Variants in USH2A observed in about 807,000 individuals in gnomAD.
USH2A encodes Usher syndrome 2A (autosomal recessive, mild).
In USH2A, 443 loss-of-function variants were observed where a neutral mutation model predicts 538.9. The ratio of observed to expected loss-of-function variants is 0.82; its 90% CI spans 0.76 to 0.89. USH2A has a LOEUF of 0.89. USH2A is among the 40% of genes least tolerant of loss of function. The pLI is 0.00. For missense variants in USH2A, 6,633 were observed against 6,324.8 expected, an observed-to-expected ratio of 1.05 and a Z score of -1.65; for synonymous variants, 2,413 against 2,273.5, an observed-to-expected ratio of 1.06 and a Z score of -1.75.
chr1:215,704,341 G>C (rs565525787), intron 61 of USH2A, among the ~76,000 whole-genome samples: 1 of 152,314 alleles, frequency 6.6e-6, no homozygotes, highest in South Asian at 2.1e-4. Context: ...ACCCATGGCT[G>C]TTCACTTAGT....
At chr1:216,115,395 T>C (rs2032982156) in intron 21 of USH2A, among the ~76,000 whole-genome samples, 1 of 152,134 alleles carries the variant, frequency 6.6e-6, no homozygotes, top group Non-Finnish European at 1.5e-5. Flanking sequence ...TTCTCCCTCT[T>C]CAGCTTCCCA....
intron 38 of USH2A, among the ~76,000 whole-genome samples, chr1:215,933,785 T>A (rs750127696): frequency 6.6e-6 from 1 of 151,974 alleles, no homozygotes; most frequent in African/African-American, 2.4e-5. Flanking sequence ...GGGCAGATGC[T>A]GGATGTCCTG....
At chr1:215,758,327 C>T (rs539623516) in intron 58 of USH2A, among the ~76,000 whole-genome samples, 8 of 151,560 alleles carry the variant, frequency 5.3e-5, no homozygotes, top group African/African-American at 1.9e-4. Flanking sequence ...GATTTTTAGT[C>T]TCTTGTACTT....
chr1:216,064,306 C>G (rs186833819), intron 30 of USH2A, among the ~76,000 whole-genome samples: 5 of 152,126 alleles, frequency 3.3e-5, no homozygotes, highest in Admixed American at 2.0e-4. Context: ...CAGCCCTGGA[C>G]AGGCCACCAT....
intron 21 of USH2A, among the ~76,000 whole-genome samples, chr1:216,157,193 G>A (rs1286991165): frequency 6.6e-6 from 1 of 152,108 alleles, no homozygotes; most frequent in Non-Finnish European, 1.5e-5. Context: ...CACAGAAGAT[G>A]ACATACAAGC....
intron 4 of USH2A, among the ~76,000 whole-genome samples, chr1:216,355,367 GA>G (rs1318016998): frequency 7.5e-6 from 1 of 133,800 alleles, no homozygotes. Context: ...AAGAAAGAAA[GA>G]AAGAAAGAAG....
rs933819603 is a variant in USH2A at position 215,722,321 on chromosome 1, G to T, written c.12066+5709C>A. Among the ~76,000 whole-genome samples the T allele has an allele frequency of 1.2e-4, 19 of 152,210 alleles. No individual in the cohort carries two copies. In the East Asian group the frequency reaches 3.7e-3, roughly 29 times the overall value. ...CTACATCTCCCAGAGTATTTCTGTTGTCTAATAAATGTGTCTGGGGAGAAA... is the reference window on the plus strand; with the variant it reads ...CTACATCTCCCAGAGTATTTCTGTTTTCTAATAAATGTGTCTGGGGAGAAA... On this transcript the variant is annotated intron_variant, in intron 61 of 71. Transcript: ENST00000307340.
At chr1:215,627,477 C>CTTCT (rs1656093640) in intron 71 of USH2A, among the ~76,000 whole-genome samples, 1 of 126,308 alleles carries the variant, frequency 7.9e-6, no homozygotes, top group African/African-American at 2.8e-5. Flanking sequence ...TCCTTCCTTC[C>CTTCT]TTCCTTCTTT....
intron 3 of USH2A, among the ~76,000 whole-genome samples, chr1:216,396,548 A>T (rs1260376840): frequency 6.6e-6 from 1 of 152,172 alleles, no homozygotes; most frequent in African/African-American, 2.4e-5. Flanking sequence ...TATCCTTGGT[A>T]TTTATTTTAA....
chr1:216,403,165 T>C (rs1253276556), intron 3 of USH2A, among the ~76,000 whole-genome samples: 1 of 152,098 alleles, frequency 6.6e-6, no homozygotes, highest in African/African-American at 2.4e-5. Context: ...ACCACATTAA[T>C]AGACTAAAGA....
At chr1:215,800,342 C>A (rs911582115) in intron 49 of USH2A, among the ~76,000 whole-genome samples, 3 of 152,070 alleles carry the variant, frequency 2.0e-5, no homozygotes, top group South Asian at 2.1e-4. Context: ...TTTTCTCTAC[C>A]GTTCTTTCTT....
At chr1:215,955,962 AG>A (rs1667054920) in intron 37 of USH2A, among the ~76,000 whole-genome samples, 1 of 152,198 alleles carries the variant, frequency 6.6e-6, no homozygotes, top group Non-Finnish European at 1.5e-5. Flanking sequence ...CAGGAATCAG[AG>A]AAGGGAATTC....
At chr1:215,995,680 G>A (rs1013141141) in intron 34 of USH2A, among the ~76,000 whole-genome samples, 1 of 152,084 alleles carries the variant, frequency 6.6e-6, no homozygotes, top group South Asian at 2.1e-4. Flanking sequence ...AAATAGCAAG[G>A]TCTTTGAAAG....
chr1:215,758,396 T>C (rs575217971), intron 58 of USH2A, among the ~76,000 whole-genome samples, 199 bp downstream of exon 58: 2 of 152,316 alleles, frequency 1.3e-5, no homozygotes, highest in South Asian at 2.1e-4. Flanking sequence ...GACATCTAGA[T>C]ACCTATATCT....
At chr1:216,265,561 A>G (rs891017006) in intron 11 of USH2A, among the ~76,000 whole-genome samples, 3 of 152,066 alleles carry the variant, frequency 2.0e-5, no homozygotes, top group African/African-American at 7.2e-5. Context: ...TGTTTATTGC[A>G]GTACTATTTA....
At chr1:215,959,755 G>A (rs575365591) in intron 37 of USH2A, among the ~76,000 whole-genome samples, 2 of 152,158 alleles carry the variant, frequency 1.3e-5, no homozygotes, top group East Asian at 1.9e-4. Flanking sequence ...GACATTTGAA[G>A]ATGAAAACTA....
intron 13 of USH2A, among the ~76,000 whole-genome samples, chr1:216,238,911 G>T (rs533642573): frequency 6.6e-6 from 1 of 152,126 alleles, no homozygotes; most frequent in Non-Finnish European, 1.5e-5. Context: ...CATGCTGTCT[G>T]CCCCTGTGGT....
intron 56 of USH2A, among the ~76,000 whole-genome samples, chr1:215,764,043 A>G (rs1661059785): frequency 6.6e-6 from 1 of 152,158 alleles, no homozygotes; most frequent in South Asian, 2.1e-4. Context: ...TTAAGTGGCG[A>G]AGTACTGAGG....
In USH2A at chr1:215,702,869, G is replaced by A. The variant is rs559658568; in HGVS notation, c.12067-22493C>T. 1.4e-4 allele frequency among the ~76,000 whole-genome samples: 22 copies of A among 152,120 alleles called. No individual in the cohort carries two copies. The East Asian group carries it at 4.1e-3, about 28-fold the overall frequency. Reference sequence around the variant, plus strand: ...TTTGTTCCCTTGCTGGCGAGGAGTTGTGATCCTTTGGAGATAAGGCATTCC... The same window carrying A: ...TTTGTTCCCTTGCTGGCGAGGAGTTATGATCCTTTGGAGATAAGGCATTCC... On this transcript the variant is annotated intron_variant, in intron 61 of 71. Coordinates refer to ENST00000307340, the MANE Select transcript of USH2A (RefSeq NM_206933.4).
Sources: allele counts gnomAD v4.1 joint callset (sites outside exome capture counted in the v4.1 genomes callset), GRCh38; gene constraint gnomAD v4.1.1; transcripts MANE v1.5; gene names NCBI Gene and HGNC (gene_info 2026-07-23, HGNC 2026-07-21).